The following CCDC174 variants were observed in gnomAD, a reference collection of about 807,000 sequenced individuals.
The protein encoded by CCDC174 is coiled-coil domain-containing protein 174.
CCDC174 carries 37 observed loss-of-function variants against 57.1 expected under a neutral mutation model. That is an observed-to-expected ratio of 0.65 (90% CI 0.50 to 0.85). CCDC174 has a LOEUF of 0.85. Among genes scored for constraint, CCDC174 ranks in the 40% least tolerant of loss-of-function variants. The pLI, the probability that CCDC174 is intolerant of heterozygous loss-of-function variation, is 0.00. For synonymous variants in CCDC174, 182 were observed against 190.2 expected (o/e 0.96, Z 0.35); for missense variants, 540 against 574.3 (o/e 0.94, Z 0.61).
intron 5 of CCDC174, 105 bp from the exon 6 acceptor site, chr3:14,664,923 T>C (rs2031264515): frequency 1.3e-6 from 1 of 784,284 alleles, no homozygotes; most frequent in Admixed American, 1.9e-5. Flanking sequence ...GGGCTCTTCT[T>C]GGTAGTGAGG....
intron 4 of CCDC174, 139 bp downstream of exon 4, chr3:14,659,068 C>T (rs2124835412): frequency 3.7e-6 from 3 of 813,622 alleles, no homozygotes; most frequent in East Asian, 7.3e-5. Context: ...TGCACAGAGA[C>T]AAGAAAATCA....
At chr3:14,666,199 T>C (rs949826251) in intron 6 of CCDC174, among the ~76,000 whole-genome samples, 4 of 151,288 alleles carry the variant, frequency 2.6e-5, no homozygotes, top group African/African-American at 9.7e-5. Flanking sequence ...AGACCCAGAG[T>C]TCCTCCTCCC....
In CCDC174 at chr3:14,661,515, AT is replaced by A; in HGVS notation, c.308-10del. On this transcript the variant is annotated splice_polypyrimidine_tract_variant and intron_variant, in intron 4 of 10. Coordinates refer to ENST00000383794, the MANE Select transcript of CCDC174 (RefSeq NM_016474.5). The stretch of plus-strand genomic sequence containing the variant: ...TTTCCTTTTTGATGTCTGAAAACTG[AT>A]TTTTATGTCCTAGATGAAGAAGTAG... The A allele has an allele frequency of 6.3e-7, 1 of 1,580,016 alleles. No individual in the cohort carries two copies.
intron 2 of CCDC174, among the ~76,000 whole-genome samples, chr3:14,654,870 G>T (rs1283730615): frequency 6.6e-6 from 1 of 152,182 alleles, no homozygotes; most frequent in African/African-American, 2.4e-5. Flanking sequence ...AAATATCAGG[G>T]TGTATAAGAG....
At chr3:14,661,417 C>A in intron 4 of CCDC174, 113 bp from the exon 5 acceptor site, 1 of 798,966 alleles carries the variant, frequency 1.3e-6, no homozygotes, top group Non-Finnish European at 2.0e-6. Flanking sequence ...GAGGCATTGG[C>A]TGATGAGCTG....
intron 9 of CCDC174, among the ~76,000 whole-genome samples, chr3:14,668,738 C>T (rs1189826587): frequency 1.3e-5 from 2 of 152,156 alleles, no homozygotes; most frequent in Admixed American, 1.3e-4. Context: ...AAATTGCCAT[C>T]AATCTAGAGA....
At position 14,670,639 on chromosome 3, in the gene CCDC174, G is replaced by A. The variant is rs115714206; in HGVS notation, c.1106-257G>A. ...TGAAATACCTACAATGTCATGTCAA[G>A]CAGATAATTTGTCTGTATTTCTCTT... On this transcript the variant is annotated intron_variant, in intron 10 of 10. Transcript: ENST00000383794. 4.6e-3 allele frequency among the ~76,000 whole-genome samples: 697 copies of A among 152,294 alleles called. 6 individuals are homozygous for A. Among genetic ancestry groups the A allele is most frequent in the South Asian group, 0.01 (50 of 4,824 alleles).
chr3:14,652,667 T>C (rs1200587903), intron 1 of CCDC174, among the ~76,000 whole-genome samples: 3 of 152,124 alleles, frequency 2.0e-5, no homozygotes, highest in East Asian at 1.9e-4. Context: ...TTTGGGAGGC[T>C]GAGGCGGGCA....
rs1432719193 is a variant in CCDC174, at chr3:14,657,484, T to C, written c.249-1387T>C. 7.2e-5 allele frequency among the ~76,000 whole-genome samples: 11 copies of C among 152,352 alleles called. 1 individual carries two copies. In the East Asian group the frequency reaches 1.3e-3, roughly 19 times the overall value. On this transcript the variant is annotated intron_variant, in intron 3 of 10. Coordinates refer to ENST00000383794, the MANE Select transcript of CCDC174 (RefSeq NM_016474.5). ...ATCTTTCTAACTCAACAGAAGAAACTGTTCTTTAAAGTCACTAGTGACATC... is the reference window on the plus strand; with the variant it reads ...ATCTTTCTAACTCAACAGAAGAAACCGTTCTTTAAAGTCACTAGTGACATC...
chr3:14,665,670 A>G (rs922621302), intron 6 of CCDC174, among the ~76,000 whole-genome samples: 5 of 152,178 alleles, frequency 3.3e-5, no homozygotes, highest in African/African-American at 7.2e-5. Context: ...TGTTGGGAGA[A>G]ACTCCACCTT....
intron 3 of CCDC174, among the ~76,000 whole-genome samples, chr3:14,656,707 G>T (rs757451982): frequency 2.0e-5 from 3 of 152,160 alleles, no homozygotes; most frequent in Admixed American, 1.3e-4. Flanking sequence ...GCAATGATTT[G>T]TTATCATTGA....
chr3:14,661,690 A>G lies in CCDC174; in HGVS notation c.468A>G (p.Gln156=), dbSNP rs1666300971. The change falls in exon 5 of 11, where the codon CAA becomes CAG. Residue 156 remains glutamine (Q), a synonymous_variant. Transcript: ENST00000383794. The stretch of plus-strand genomic sequence containing the variant: ...CTGAGGGAGAGATCCCTCCTCCCCA[A>G]GACCCCAGTGAAGAATGGTTGGTAA... ...NLPEGEIPPP[Q]DPSEEWVDYV... is the part of the protein sequence containing the mutation. 2 of 1,613,096 alleles carry G rather than the reference A, an allele frequency of 1.2e-6. No individual in the cohort carries two copies. Among genetic ancestry groups the G allele is most frequent in the Admixed American group, 1.7e-5 (1 of 59,704 alleles).
chr3:14,653,605 C>T (rs769565739), intron 1 of CCDC174, among the ~76,000 whole-genome samples: 1 of 152,132 alleles, frequency 6.6e-6, no homozygotes, highest in African/African-American at 2.4e-5. Context: ...TTGTTATATC[C>T]TTTTTTGCAG....
At chr3:14,655,669 G>C (rs1015070381) in intron 3 of CCDC174, 40 bp downstream of exon 3, 51 of 1,309,818 alleles carry the variant, frequency 3.9e-5, no homozygotes, top group Non-Finnish European at 5.2e-5. Context: ...TAGCTTTGAG[G>C]CTACCCAGGC....
At chr3:14,656,167 A>G (rs988043060) in intron 3 of CCDC174, among the ~76,000 whole-genome samples, 11 of 152,110 alleles carry the variant, frequency 7.2e-5, no homozygotes, top group African/African-American at 2.4e-4. Context: ...CTACATAACC[A>G]CAATACCGCT....
intron 7 of CCDC174, 95 bp downstream of exon 7, chr3:14,667,042 C>A: frequency 9.3e-7 from 1 of 1,071,338 alleles, no homozygotes; most frequent in Non-Finnish European, 1.3e-6. Flanking sequence ...ATAGCTTTTA[C>A]ATGGAAATTA....
In CCDC174 at chr3:14,671,650, A is replaced by G. The variant is rs1334426341; in HGVS notation, c.*456A>G. 1 of 154,256 alleles carries G rather than the reference A, an allele frequency of 6.5e-6. No homozygotes were observed. The highest frequency in any genetic ancestry group is 1.4e-5 in the Non-Finnish European group (1 of 69,602). The allele number at this position is 154,256 out of a possible 1,614,324, so 9.6% of individuals were successfully genotyped here. A position where few individuals can be genotyped will look rare whatever the true frequency, so the allele number is the denominator to read the frequency against. On this transcript the variant is annotated 3_prime_UTR_variant, in exon 11 of 11. Transcript: ENST00000383794. ...TCCCTGTCAAGCAGTGGAAAACTGCATGGGAGGCAAAATGCTCTGTTCTCC... is the reference window on the plus strand; with the variant it reads ...TCCCTGTCAAGCAGTGGAAAACTGCGTGGGAGGCAAAATGCTCTGTTCTCC...
intron 1 of CCDC174, among the ~76,000 whole-genome samples, chr3:14,652,653 A>G (rs867138812): frequency 7.2e-5 from 11 of 151,922 alleles, no homozygotes; most frequent in East Asian, 1.9e-4. Context: ...TGTAATCCCA[A>G]CACTTTGGGA....
chr3:14,661,752 G>A (rs1401757830), intron 5 of CCDC174, 45 bp downstream of exon 5: 2 of 1,521,560 alleles, frequency 1.3e-6, no homozygotes, highest in South Asian at 1.2e-5. Flanking sequence ...CCTCAGACTT[G>A]CGCTGACATT....
Sources: allele counts gnomAD v4.1 joint callset (sites outside exome capture counted in the v4.1 genomes callset), GRCh38; gene constraint gnomAD v4.1.1; transcripts MANE v1.5; gene names NCBI Gene and HGNC (gene_info 2026-07-23, HGNC 2026-07-21).